Variants in EMILIN2 observed in about 807,000 individuals in gnomAD.
EMILIN2 encodes the protein EMILIN-2.
A neutral mutation model predicts 87.1 loss-of-function variants in EMILIN2; 71 were observed. The ratio of observed to expected loss-of-function variants is 0.82; its 90% CI spans 0.67 to 0.99. The LOEUF (loss-of-function observed/expected upper bound fraction) is 0.99. Ranked by LOEUF, EMILIN2 falls within the 50% of genes least tolerant of loss-of-function variation. The pLI, the probability that EMILIN2 is intolerant of heterozygous loss-of-function variation, is 0.00. For missense variants in EMILIN2, 1,407 were observed against 1,371.8 expected, an observed-to-expected ratio of 1.03 and a Z score of -0.40; for synonymous variants, 581 against 563.4, an observed-to-expected ratio of 1.03 and a Z score of -0.44.
At chr18:2,856,699 A>G (rs186724557) in intron 2 of EMILIN2, among the ~76,000 whole-genome samples, 14 of 152,174 alleles carry the variant, frequency 9.2e-5, no homozygotes. Context: ...CTGATTTATC[A>G]TTGGCCGCGT....
intron 2 of EMILIN2, among the ~76,000 whole-genome samples, chr18:2,858,797 G>A (rs1216231800): frequency 6.6e-6 from 1 of 150,586 alleles, no homozygotes; most frequent in Non-Finnish European, 1.5e-5. Context: ...CACCATGCCC[G>A]GCTAATTTTT....
chr18:2,888,732 G>A (rs79441801), intron 3 of EMILIN2, among the ~76,000 whole-genome samples: 16,295 of 135,134 alleles, frequency 0.12, 1,116 homozygotes, highest in South Asian at 0.28. Context: ...AAAAAAAAAA[G>A]AGAGAGAGAG....
rs530759726 is a variant in EMILIN2 at position 2,887,096 on chromosome 18, TA to T, written c.433+1958del. On this transcript the variant is annotated intron_variant, in intron 3 of 7. Transcript: ENST00000254528. The stretch of plus-strand genomic sequence containing the variant: ...AAGCAAACTTTTTACCACTTTATAG[TA>T]TGAACACTATTTTTTATTCTAGCTT... Among the ~76,000 whole-genome samples, 290 of 152,346 alleles carry T rather than the reference TA, an allele frequency of 1.9e-3. 1 individual carries two copies. Among genetic ancestry groups the T allele is most frequent in the Admixed American group, 3.8e-3 (58 of 15,304 alleles).
intron 2 of EMILIN2, among the ~76,000 whole-genome samples, chr18:2,874,319 G>A (rs540780511): frequency 6.6e-6 from 1 of 152,210 alleles, no homozygotes; most frequent in Admixed American, 6.5e-5. Context: ...CCTCCTGAGT[G>A]GCTAGGACTC....
intron 2 of EMILIN2, among the ~76,000 whole-genome samples, chr18:2,874,864 T>G (rs763666575): frequency 6.6e-6 from 1 of 152,264 alleles, no homozygotes; most frequent in African/African-American, 2.4e-5. Context: ...TCGATGCTTC[T>G]GAGTGACTGG....
At position 2,847,894 on chromosome 18, in the gene EMILIN2, T is replaced by C. The variant is rs1487706372; in HGVS notation, c.220T>C (p.Cys74Arg). 3.1e-6 allele frequency: 5 copies of C among 1,612,562 alleles called. No individual in the cohort carries two copies. Among genetic ancestry groups the C allele is most frequent in the Non-Finnish European group, 4.2e-6 (5 of 1,179,496 alleles). Residue 74 changes from cysteine to arginine, a missense_variant, in exon 2 of 8, where the codon TGT (cysteine) becomes CGT (arginine). By Grantham distance (180) the Cys-to-Arg change is radical. Transcript: ENST00000254528. The surrounding 1 kb of genome is among the most constrained non-coding windows in gnomAD (Gnocchi z 4.5). ...SESFIQAQYN[C>R]AWNQMPCPSA... is the part of the protein sequence containing the mutation. ...GAGTTTTATTCAGGCTCAGTACAAC[T>C]GTGCCTGGAACCAGATGCCCTGTCC...
intron 4 of EMILIN2, among the ~76,000 whole-genome samples, chr18:2,899,844 G>A (rs1437535172): frequency 6.6e-6 from 1 of 152,242 alleles, no homozygotes; most frequent in African/African-American, 2.4e-5. Context: ...AATTCCAAGA[G>A]CTGCTGATGC....
In EMILIN2 at chr18:2,866,939, C is replaced by T. The variant is rs530456527; in HGVS notation, c.258-18025C>T. Among the ~76,000 whole-genome samples, 24 of 152,218 alleles carry T rather than the reference C, an allele frequency of 1.6e-4. 1 individual carries two copies. The South Asian group carries it at 2.3e-3, about 14-fold the overall frequency. On this transcript the variant is annotated intron_variant, in intron 2 of 7. Coordinates refer to ENST00000254528, the MANE Select transcript of EMILIN2 (RefSeq NM_032048.3). ...TGGATTTTATTAAATGCTTTTTCTG[C>T]GTCTATTGAGATGATCATGTGATTT...
intron 3 of EMILIN2, among the ~76,000 whole-genome samples, chr18:2,888,460 A>G (rs1458765878): frequency 6.6e-6 from 1 of 152,072 alleles, no homozygotes. Context: ...TCACGTCTGT[A>G]ATCCCAGCAC....
intron 2 of EMILIN2, among the ~76,000 whole-genome samples, chr18:2,860,826 A>C (rs1229787984): frequency 6.6e-6 from 1 of 152,180 alleles, no homozygotes; most frequent in Non-Finnish European, 1.5e-5. Flanking sequence ...GACTTCCACA[A>C]TGGTTGAACT....
At chr18:2,889,692 C>CTTTTTTTTTT (rs34248672) in intron 3 of EMILIN2, among the ~76,000 whole-genome samples, 1 of 96,666 alleles carries the variant, frequency 1.0e-5, no homozygotes, top group African/African-American at 4.1e-5. Context: ...TTTTTCTTTT[C>CTTTTTTTTTT]TTTTTTTTTT....
intron 2 of EMILIN2, among the ~76,000 whole-genome samples, chr18:2,850,996 G>T (rs1236802758): frequency 2.6e-5 from 4 of 151,912 alleles, no homozygotes; most frequent in Non-Finnish European, 5.9e-5. Context: ...GGTCAGTGGG[G>T]TGCAGGCATT....
At chr18:2,905,740 T>C (rs1224582238) in intron 4 of EMILIN2, among the ~76,000 whole-genome samples, 3 of 151,096 alleles carry the variant, frequency 2.0e-5, no homozygotes, top group Non-Finnish European at 4.4e-5. Flanking sequence ...GTAGCTGGGA[T>C]TACAGGTGCG....
At chr18:2,883,353 G>A (rs545586185) in intron 2 of EMILIN2, among the ~76,000 whole-genome samples, 7 of 152,198 alleles carry the variant, frequency 4.6e-5, no homozygotes, top group African/African-American at 1.7e-4. Flanking sequence ...CTATTGTCCC[G>A]CCTCCCCCCA....
chr18:2,853,338 C>T (rs367776330), intron 2 of EMILIN2, among the ~76,000 whole-genome samples: 7 of 152,136 alleles, frequency 4.6e-5, no homozygotes, highest in African/African-American at 1.7e-4. Context: ...TCCCAGCGAT[C>T]GCCCGTCAGT....
upstream of EMILIN2, chr18:2,846,657 G>A (rs993563022): frequency 6.3e-6 from 4 of 637,290 alleles, no homozygotes; most frequent in East Asian, 5.5e-4. This position sits in a 1 kb window ranked among gnomAD's most constrained non-coding sequence, Gnocchi z 5.3. Context: ...TTCGCCCCGG[G>A]AGGCTGGCAC....
chr18:2,876,982 G>C (rs1193123004), intron 2 of EMILIN2, among the ~76,000 whole-genome samples: 1 of 152,226 alleles, frequency 6.6e-6, no homozygotes, highest in African/African-American at 2.4e-5. Flanking sequence ...GTAGAGATCT[G>C]ATTAAAATAT....
At chr18:2,858,555 A>ATGTG (rs1568454028) in intron 2 of EMILIN2, among the ~76,000 whole-genome samples, 2 of 52,310 alleles carry the variant, frequency 3.8e-5, no homozygotes, top group African/African-American at 2.9e-4. Flanking sequence ...ATATATATAT[A>ATGTG]TATATATATA....
chr18:2,874,035 G>T (rs1027968052), intron 2 of EMILIN2, among the ~76,000 whole-genome samples: 7 of 152,110 alleles, frequency 4.6e-5, no homozygotes, highest in African/African-American at 1.4e-4. Context: ...AAACACAAAT[G>T]ACTTAAAGGA....
Sources: allele counts gnomAD v4.1 joint callset (sites outside exome capture counted in the v4.1 genomes callset), GRCh38; gene constraint gnomAD v4.1.1; non-coding constraint Gnocchi (gnomAD v3.1); transcripts MANE v1.5; gene names NCBI Gene and HGNC (gene_info 2026-07-23, HGNC 2026-07-21).